Variants in TACR1 observed in about 807,000 individuals in gnomAD.
The protein encoded by TACR1 is substance-P receptor.
In TACR1, 25 loss-of-function variants were observed where a neutral mutation model predicts 35.8. The observed-to-expected ratio is 0.70, with a 90% CI of 0.51 to 0.98. The LOEUF is 0.98. TACR1 is among the 50% of genes least tolerant of loss of function. The probability of loss-of-function intolerance (pLI) is 0.00; values close to 1 mark genes in which losing one functional copy is unlikely to be tolerated. For synonymous variants in TACR1, 195 were observed against 206.7 expected (o/e 0.94, Z 0.48); for missense variants, 478 against 522.9 (o/e 0.91, Z 0.84).
chr2:75,088,898 T>C (rs1277698028), intron 2 of TACR1, among the ~76,000 whole-genome samples: 1 of 152,174 alleles, frequency 6.6e-6, no homozygotes, highest in Non-Finnish European at 1.5e-5. Context: ...CTCATCTGCT[T>C]TAGCTGCGTG....
intron 2 of TACR1, among the ~76,000 whole-genome samples, chr2:75,107,455 T>C (rs759178804): frequency 1.1e-4 from 16 of 151,722 alleles, no homozygotes; most frequent in Non-Finnish European, 2.4e-4. Flanking sequence ...ACCTTTGATA[T>C]ATGCCATAGT....
At chr2:75,155,772 G>C (rs1414488760) in intron 1 of TACR1, among the ~76,000 whole-genome samples, 1 of 152,234 alleles carries the variant, frequency 6.6e-6, no homozygotes, top group African/African-American at 2.4e-5. Context: ...GAAACACTTA[G>C]AATAATGTAG....
intron 1 of TACR1, among the ~76,000 whole-genome samples, chr2:75,196,590 GA>G (rs763760550): frequency 1.3e-5 from 2 of 152,144 alleles, no homozygotes; most frequent in Non-Finnish European, 2.9e-5. Context: ...TTTACCTAGA[GA>G]AAAACAACAA....
At position 75,049,733 on chromosome 2, in the gene TACR1, G is replaced by C; in HGVS notation, c.933-10C>G. ...GAAGCCCAGACGGAACCTGGAGAGCGAGCAGATGAAGAGGTGACCCTTTGG... is the reference window on the plus strand; with the variant it reads ...GAAGCCCAGACGGAACCTGGAGAGCCAGCAGATGAAGAGGTGACCCTTTGG... On this transcript the variant is annotated splice_polypyrimidine_tract_variant and intron_variant, in intron 4 of 4. Transcript: ENST00000305249. 6.2e-7 allele frequency: 1 copy of C among 1,609,374 alleles called. No homozygotes were observed. Among genetic ancestry groups the C allele is most frequent in the Non-Finnish European group, 8.5e-7 (1 of 1,177,348 alleles).
At chr2:75,186,527 G>A (rs145690006) in intron 1 of TACR1, among the ~76,000 whole-genome samples, 1,993 of 151,628 alleles carry the variant, frequency 0.013, 45 homozygotes, top group African/African-American at 0.044. Flanking sequence ...TTTAATAAGT[G>A]TGTAATATTT....
intron 2 of TACR1, among the ~76,000 whole-genome samples, chr2:75,101,669 C>T (rs536850059): frequency 4.1e-4 from 63 of 152,170 alleles, no homozygotes; most frequent in East Asian, 2.1e-3. Context: ...AAATAAAGGC[C>T]GGGCACGGTG....
At position 75,199,236 on chromosome 2, in the gene TACR1, T is replaced by C. The variant is rs1402142293; in HGVS notation, c.-302A>G. 5.9e-6 allele frequency: 2 copies of C among 340,528 alleles called. No homozygotes were observed. The highest frequency in any genetic ancestry group is 1.1e-4 in the East Asian group (2 of 18,436). The allele number at this position is 340,528 out of a possible 1,614,324, so 21.1% of individuals were successfully genotyped here. A position where few individuals can be genotyped will look rare whatever the true frequency, so the allele number is the denominator to read the frequency against. On this transcript the variant is annotated 5_prime_UTR_variant, in exon 1 of 5. Coordinates refer to ENST00000305249, the MANE Select transcript of TACR1 (RefSeq NM_001058.4). ...GGTAAACTGAAAAAGGGAAAGAAAT[T>C]CCACCGGTCACAGTTCTAGGAAGCA...
At chr2:75,124,830 C>T (rs142132972) in intron 1 of TACR1, among the ~76,000 whole-genome samples, 193 of 152,316 alleles carry the variant, frequency 1.3e-3, no homozygotes, top group African/African-American at 3.5e-3. Flanking sequence ...GAATTAGAAC[C>T]ATAGGAGAAG....
At chr2:75,143,898 T>G (rs1408860818) in intron 1 of TACR1, among the ~76,000 whole-genome samples, 1 of 152,150 alleles carries the variant, frequency 6.6e-6, no homozygotes, top group East Asian at 1.9e-4. Flanking sequence ...AAAAGTTGAT[T>G]CAGGCAGTGG....
chr2:75,088,962 C>T (rs1391722365), intron 2 of TACR1, among the ~76,000 whole-genome samples: 2 of 152,154 alleles, frequency 1.3e-5, no homozygotes, highest in African/African-American at 2.4e-5. Context: ...GTGAGTTTGA[C>T]AGTTTCCCAC....
chr2:75,051,077 T>A, intron 4 of TACR1, 174 bp downstream of exon 4: 1 of 775,874 alleles, frequency 1.3e-6, no homozygotes, highest in Non-Finnish European at 2.1e-6. Context: ...CGGGCTCCCA[T>A]TCCTGGATGG....
intron 1 of TACR1, among the ~76,000 whole-genome samples, chr2:75,184,287 A>C (rs1675633933): frequency 6.6e-6 from 1 of 152,170 alleles, no homozygotes; most frequent in Non-Finnish European, 1.5e-5. Flanking sequence ...CTCTTAGTAA[A>C]CTAGAAATTA....
intron 1 of TACR1, among the ~76,000 whole-genome samples, chr2:75,172,615 G>A (rs577944337): frequency 6.6e-6 from 1 of 152,166 alleles, no homozygotes; most frequent in South Asian, 2.1e-4. Flanking sequence ...CCCAGGACAA[G>A]AGGCTCTTAA....
intron 1 of TACR1, among the ~76,000 whole-genome samples, chr2:75,135,923 G>T (rs1266395736): frequency 6.6e-6 from 1 of 152,104 alleles, no homozygotes; most frequent in African/African-American, 2.4e-5. Flanking sequence ...TCTCCATTTC[G>T]CATTCTGTTT....
In TACR1 at chr2:75,120,697, A is replaced by G; in HGVS notation, c.461T>C (p.Ile154Thr). 6.2e-7 allele frequency: 1 copy of G among 1,614,084 alleles called. No individual in the cohort carries two copies. Among genetic ancestry groups the G allele is most frequent in the Non-Finnish European group, 8.5e-7 (1 of 1,180,006 alleles). Reference sequence around the variant, plus strand: ...GGCCAGCAGGAGAGCCAGGACCCAGATGACACAGATGACCACTTTGGTGGC... The same window carrying G: ...GGCCAGCAGGAGAGCCAGGACCCAGGTGACACAGATGACCACTTTGGTGGC... ...ATATKVVICVIWVLALLLAFP... is the reference protein window; with the variant it reads ...ATATKVVICVTWVLALLLAFP... Residue 154 changes from isoleucine to threonine, a missense_variant, in exon 2 of 5, where the codon ATC becomes ACC. Coordinates refer to ENST00000305249, the MANE Select transcript of TACR1 (RefSeq NM_001058.4).
chr2:75,193,421 C>G (rs1370461688), intron 1 of TACR1, among the ~76,000 whole-genome samples: 1 of 152,208 alleles, frequency 6.6e-6, no homozygotes, highest in Non-Finnish European at 1.5e-5. Flanking sequence ...GCTTGTCATT[C>G]TCTAGCCTCA....
chr2:75,164,583 TC>T (rs1675095709), intron 1 of TACR1, among the ~76,000 whole-genome samples: 1 of 152,020 alleles, frequency 6.6e-6, no homozygotes, highest in African/African-American at 2.4e-5. Flanking sequence ...TGAAAAATAA[TC>T]TGTTGAATTA....
In TACR1 at chr2:75,154,401, A is replaced by AGCGCGCTCGCGCGC. The variant is rs142809732; in HGVS notation, c.390-33634_390-33633insGCGCGCGAGCGCGC. The AGCGCGCTCGCGCGC allele has an allele frequency of 1.0e-4, 8 of 76,444 alleles. 2 individuals carry two copies. The highest frequency in any genetic ancestry group is 4.6e-4 in the African/African-American group (8 of 17,280). 4.7% of individuals were successfully genotyped at this position (76,444 alleles called of 1,614,324 possible). On this transcript the variant is annotated intron_variant, in intron 1 of 4. Coordinates refer to ENST00000305249, the MANE Select transcript of TACR1 (RefSeq NM_001058.4). Reference sequence around the variant, plus strand: ...TGGCCCAGGGAGATAATCAGCCAAGAGCGCGCACGCACACACACACACACA... The same window carrying AGCGCGCTCGCGCGC: ...TGGCCCAGGGAGATAATCAGCCAAGAGCGCGCTCGCGCGCGCGCGCACGCACACACACACACACA...
Position 75,049,633 on chromosome 2 carries a change from A to G in TACR1, c.1023T>C (p.Tyr341=), listed in dbSNP as rs1558535708. ...YEGLEMKSTR[Y]LQTQGSVYKV... ...TGTACACACTGCCCTGGGTCTGGAG[A>G]TACCGGGTGGATTTCATTTCCAGCC... Residue 341 remains tyrosine, a synonymous_variant, in exon 5 of 5, where the codon TAT becomes TAC. Transcript: ENST00000305249. 2.5e-6 allele frequency: 4 copies of G among 1,614,038 alleles called. No individual in the cohort carries two copies. The Admixed American group carries it at 5.0e-5, about 20-fold the overall frequency.
Sources: allele counts gnomAD v4.1 joint callset (sites outside exome capture counted in the v4.1 genomes callset), GRCh38; gene constraint gnomAD v4.1.1; transcripts MANE v1.5; gene names NCBI Gene and HGNC (gene_info 2026-07-23, HGNC 2026-07-21).